The following AP4S1 variants were observed in gnomAD, a reference collection of about 807,000 sequenced individuals.
The protein encoded by AP4S1 is adaptor related protein complex 4 subunit sigma 1, also known as AP-4 complex subunit sigma-1.
A neutral mutation model predicts 19.8 loss-of-function variants in AP4S1; 23 were observed. The ratio of observed to expected loss-of-function variants is 1.16; its 90% CI spans 0.84 to 1.65. AP4S1 has a LOEUF of 1.65. Among genes scored for constraint, AP4S1 ranks in the 40% most tolerant of loss-of-function variants. The pLI is 0.00. For missense variants in AP4S1, 166 were observed against 172.8 expected, an observed-to-expected ratio of 0.96 and a Z score of 0.22; for synonymous variants, 46 against 54.1, an observed-to-expected ratio of 0.85 and a Z score of 0.66.
intron 1 of AP4S1, among the ~76,000 whole-genome samples, chr14:31,059,029 A>G (rs1886287997): frequency 6.6e-6 from 1 of 152,164 alleles, no homozygotes; most frequent in African/African-American, 2.4e-5. Context: ...ATTAATAACC[A>G]TGATAGGTGC....
intron 4 of AP4S1, among the ~76,000 whole-genome samples, chr14:31,077,229 A>G (rs1887410948): frequency 6.6e-6 from 1 of 152,118 alleles, no homozygotes; most frequent in Non-Finnish European, 1.5e-5. Context: ...GAGCCACCAC[A>G]CCCAGCCAGC....
At chr14:31,029,796 G>T (rs1884279529) in intron 1 of AP4S1, among the ~76,000 whole-genome samples, 5 of 150,800 alleles carry the variant, frequency 3.3e-5, no homozygotes. Flanking sequence ...CTGCACTCCA[G>T]TCTGGGCAAC....
At chr14:31,084,356 G>T (rs1292340356) in intron 5 of AP4S1, among the ~76,000 whole-genome samples, 1 of 152,174 alleles carries the variant, frequency 6.6e-6, no homozygotes, top group East Asian at 1.9e-4. Context: ...GTTAGACTTG[G>T]AAAAATACAG....
At chr14:31,047,877 A>G (rs1414232129) in intron 1 of AP4S1, among the ~76,000 whole-genome samples, 1 of 152,074 alleles carries the variant, frequency 6.6e-6, no homozygotes, top group African/African-American at 2.4e-5. Context: ...GGGTTTTGCC[A>G]TGTTGGCCAG....
At chr14:31,065,502 C>T (rs1039525142) in intron 1 of AP4S1, among the ~76,000 whole-genome samples, 24 of 152,146 alleles carry the variant, frequency 1.6e-4, no homozygotes, top group Non-Finnish European at 3.1e-4. Context: ...ACTATTTCAT[C>T]TTCACATTCT....
At chr14:31,058,517 C>CTCTGTGTG (rs1566527030) in intron 1 of AP4S1, among the ~76,000 whole-genome samples, 4 of 139,370 alleles carry the variant, frequency 2.9e-5, no homozygotes, top group African/African-American at 1.1e-4. Flanking sequence ...TTCCCCATCT[C>CTCTGTGTG]TGTGTGTGTA....
At chr14:31,025,863 C>G (rs1044146466) in intron 1 of AP4S1, 76 bp downstream of exon 1, 2 of 1,576,100 alleles carry the variant, frequency 1.3e-6, no homozygotes, top group South Asian at 1.1e-5. Flanking sequence ...GGCCGGGAAC[C>G]CAGCCGCCGC....
At chr14:31,038,611 G>A (rs2139438360) in intron 1 of AP4S1, among the ~76,000 whole-genome samples, 1 of 152,280 alleles carries the variant, frequency 6.6e-6, no homozygotes, top group Non-Finnish European at 1.5e-5. Context: ...CTTTGGGTGA[G>A]AGCACAGACT....
intron 1 of AP4S1, among the ~76,000 whole-genome samples, chr14:31,056,507 C>T (rs1292532981): frequency 2.6e-5 from 4 of 152,012 alleles, no homozygotes; most frequent in African/African-American, 2.4e-5. Context: ...TACAGGTGTC[C>T]GCCACCACAC....
intron 1 of AP4S1, among the ~76,000 whole-genome samples, chr14:31,029,227 A>G (rs764001522): frequency 5.9e-5 from 9 of 151,788 alleles, no homozygotes; most frequent in Non-Finnish European, 1.5e-5. Flanking sequence ...CCTCCATTCT[A>G]CCCCCACTTT....
At chr14:31,056,386 C>T (rs1886118336) in intron 1 of AP4S1, among the ~76,000 whole-genome samples, 1 of 150,544 alleles carries the variant, frequency 6.6e-6, no homozygotes, top group Admixed American at 6.7e-5. Context: ...GAGATGGAGT[C>T]TCACTCTTGT....
At chr14:31,047,891 G>C (rs1885513854) in intron 1 of AP4S1, among the ~76,000 whole-genome samples, 2 of 152,240 alleles carry the variant, frequency 1.3e-5, no homozygotes, top group South Asian at 2.1e-4. Context: ...TGGCCAGACT[G>C]TTCTTGAACT....
chr14:31,030,238 T>C (rs1188931858), intron 1 of AP4S1, among the ~76,000 whole-genome samples: 1 of 152,160 alleles, frequency 6.6e-6, no homozygotes, highest in African/African-American at 2.4e-5. Flanking sequence ...GGGTTACAGG[T>C]GTGAGCCACT....
At chr14:31,030,983 A>G (rs1037712127) in intron 1 of AP4S1, among the ~76,000 whole-genome samples, 5 of 152,116 alleles carry the variant, frequency 3.3e-5, no homozygotes, top group African/African-American at 9.7e-5. Flanking sequence ...CTCATCTCCA[A>G]TTGTAATCCC....
At chr14:31,039,469 G>A (rs1346934910) in intron 1 of AP4S1, among the ~76,000 whole-genome samples, 2 of 152,112 alleles carry the variant, frequency 1.3e-5, no homozygotes, top group African/African-American at 4.8e-5. Context: ...ACAGGCGTGA[G>A]CCACTGTGTC....
intron 5 of AP4S1, among the ~76,000 whole-genome samples, chr14:31,081,876 T>A (rs2139103134): frequency 6.6e-6 from 1 of 151,958 alleles, no homozygotes; most frequent in Non-Finnish European, 1.5e-5. Context: ...TATATACATT[T>A]TGTAGAGATG....
intron 1 of AP4S1, among the ~76,000 whole-genome samples, chr14:31,052,908 G>A (rs546808898): frequency 7.3e-5 from 11 of 151,222 alleles, no homozygotes; most frequent in African/African-American, 2.4e-4. Flanking sequence ...CAAGAAAGGA[G>A]GAAAGGAAAG....
At chr14:31,050,941 A>C (rs1436923402) in intron 1 of AP4S1, among the ~76,000 whole-genome samples, 1 of 150,808 alleles carries the variant, frequency 6.6e-6, no homozygotes. Context: ...ATGTCTCTCA[A>C]ATTGGGTTTG....
intron 3 of AP4S1, among the ~76,000 whole-genome samples, chr14:31,071,489 C>T (rs1212655232): frequency 6.6e-6 from 1 of 152,180 alleles, no homozygotes; most frequent in African/African-American, 2.4e-5. Flanking sequence ...GGCATGATCT[C>T]GGCTCACTGC....
Sources: gnomAD v4.1 joint callset for allele counts (sites outside exome capture counted in the v4.1 genomes callset) on GRCh38, gnomAD v4.1.1 for gene constraint, MANE v1.5 for transcripts, NCBI Gene and HGNC (gene_info 2026-07-23, HGNC 2026-07-21) for gene names.